TCERG1L: variants seen among roughly 807,000 people sequenced by gnomAD.
TCERG1L encodes transcription elongation regulator 1-like protein.
A neutral mutation model predicts 56.3 loss-of-function variants in TCERG1L; 37 were observed. That is an observed-to-expected ratio of 0.66 (90% CI 0.51 to 0.87). TCERG1L has a LOEUF of 0.87. Among genes scored for constraint, TCERG1L ranks in the 40% least tolerant of loss-of-function variants. The pLI is 0.00. For synonymous variants in TCERG1L, 324 were observed against 326.3 expected (o/e 0.99, Z 0.08); for missense variants, 799 against 774.2 (o/e 1.03, Z -0.38).
chr10:131,105,325 C>T (rs1206479310), intron 9 of TCERG1L, among the ~76,000 whole-genome samples: 9 of 152,316 alleles, frequency 5.9e-5, no homozygotes, highest in Non-Finnish European at 1.2e-4. Flanking sequence ...GTGAAGTCCC[C>T]CTCTCCATGC....
chr10:131,303,234 C>G (rs961561285), intron 3 of TCERG1L, among the ~76,000 whole-genome samples: 4 of 152,080 alleles, frequency 2.6e-5, no homozygotes, highest in African/African-American at 9.7e-5. Flanking sequence ...CTAATTTACA[C>G]TCCCACTAAT....
chr10:131,215,221 C>T (rs944337014), intron 4 of TCERG1L, among the ~76,000 whole-genome samples: 1 of 152,206 alleles, frequency 6.6e-6, no homozygotes, highest in Admixed American at 6.5e-5. Context: ...AGGCTCACCC[C>T]AAGCCCGACA....
chr10:131,157,171 T>C (rs1481572858), intron 6 of TCERG1L, among the ~76,000 whole-genome samples: 1 of 152,148 alleles, frequency 6.6e-6, no homozygotes, highest in African/African-American at 2.4e-5. Flanking sequence ...TGCCAGAAAA[T>C]GGCGCCTTCT....
Position 131,235,357 on chromosome 10 carries a change from A to C in TCERG1L, c.856+24902T>G, listed in dbSNP as rs192537748. 3.3e-5 allele frequency among the ~76,000 whole-genome samples: 5 copies of C among 152,316 alleles called. No individual in the cohort carries two copies. In the East Asian group the frequency reaches 9.6e-4, roughly 29 times the overall value. ...TGGCTCTTCGTTGCCAGTGGTGAGC[A>C]AGGAAAGTCCGAGCCTTGCTAGAAA... On this transcript the variant is annotated intron_variant, in intron 4 of 11. Coordinates refer to ENST00000368642, the MANE Select transcript of TCERG1L (RefSeq NM_174937.4).
At chr10:131,237,242 G>A (rs1845922288) in intron 4 of TCERG1L, among the ~76,000 whole-genome samples, 1 of 152,008 alleles carries the variant, frequency 6.6e-6, no homozygotes, top group African/African-American at 2.4e-5. Flanking sequence ...CATCTTCTGA[G>A]AGCCCACATG....
rs1016956735 is a variant in TCERG1L at position 131,093,082 on chromosome 10, C to G, written c.*80G>C. On this transcript the variant is annotated 3_prime_UTR_variant, in exon 12 of 12. Transcript: ENST00000368642. ...GTGCAGGTCTCGGCCGCCCCACGCC[C>G]GTGTCCGTCTCCACCGTGACCCCCT... is the stretch of plus-strand genomic sequence containing the variant. 4 of 1,518,834 alleles carry G rather than the reference C, an allele frequency of 2.6e-6. No individual in the cohort carries two copies. The South Asian group carries it at 3.7e-5, about 14-fold the overall frequency. 94.1% of individuals were successfully genotyped at this position (1,518,834 alleles called of 1,614,324 possible). A position where few individuals can be genotyped will look rare whatever the true frequency, so the allele number is the denominator to read the frequency against.
intron 3 of TCERG1L, among the ~76,000 whole-genome samples, chr10:131,289,494 G>T (rs1425676828): frequency 6.7e-6 from 1 of 149,618 alleles, no homozygotes; most frequent in Admixed American, 6.7e-5. Flanking sequence ...TGTGTGCACC[G>T]CTGTGTGTGA....
intron 4 of TCERG1L, among the ~76,000 whole-genome samples, chr10:131,170,065 C>T (rs778111762): frequency 6.6e-6 from 1 of 152,152 alleles, no homozygotes; most frequent in Non-Finnish European, 1.5e-5. Flanking sequence ...ACACACACCC[C>T]GGAATACCTG....
At chr10:131,125,482 T>G (rs1009944856) in intron 8 of TCERG1L, among the ~76,000 whole-genome samples, 1 of 152,256 alleles carries the variant, frequency 6.6e-6, no homozygotes, top group Non-Finnish European at 1.5e-5. Flanking sequence ...GTGAATCTTT[T>G]GCCTTATGGG....
At chr10:131,121,701 G>T (rs1845515079) in intron 8 of TCERG1L, among the ~76,000 whole-genome samples, 1 of 152,150 alleles carries the variant, frequency 6.6e-6, no homozygotes, top group South Asian at 2.1e-4. Context: ...TGGGCACAGA[G>T]ACAGAGATGC....
rs139064537 is a variant in TCERG1L at position 131,247,530 on chromosome 10, C to T, written c.856+12729G>A. ...CCCACCCCTGGTCGAGGCCCTGAGG[C>T]TTATGAATGTGAGATAAGGCTTCTG... On this transcript the variant is annotated intron_variant, in intron 4 of 11. Coordinates refer to ENST00000368642, the MANE Select transcript of TCERG1L (RefSeq NM_174937.4). 1.1e-4 allele frequency among the ~76,000 whole-genome samples: 17 copies of T among 152,252 alleles called. No individual in the cohort carries two copies. The East Asian group carries it at 3.1e-3, about 28-fold the overall frequency.
intron 4 of TCERG1L, among the ~76,000 whole-genome samples, chr10:131,251,949 C>G (rs1336150955): frequency 6.6e-6 from 1 of 152,148 alleles, no homozygotes; most frequent in Non-Finnish European, 1.5e-5. Flanking sequence ...TTCCTCTTCC[C>G]CTAGTCCCTG....
At chr10:131,207,493 G>T (rs1394657232) in intron 4 of TCERG1L, among the ~76,000 whole-genome samples, 1 of 152,172 alleles carries the variant, frequency 6.6e-6, no homozygotes, top group East Asian at 1.9e-4. Context: ...TGGCAATGCC[G>T]GCTTCTCCCT....
At position 131,204,358 on chromosome 10, in the gene TCERG1L, G is replaced by A. The variant is rs141223495; in HGVS notation, c.857-37473C>T. 7.2e-5 allele frequency among the ~76,000 whole-genome samples: 11 copies of A among 152,356 alleles called. No homozygotes were observed. The South Asian group carries it at 8.3e-4, about 11-fold the overall frequency. ...CACAAACCAGCAAGTGGGCTGGCCCGATGGCCCCACCACAAGCAGGCTCAG... is the reference window on the plus strand; with the variant it reads ...CACAAACCAGCAAGTGGGCTGGCCCAATGGCCCCACCACAAGCAGGCTCAG... On this transcript the variant is annotated intron_variant, in intron 4 of 11. Transcript: ENST00000368642.
In TCERG1L at chr10:131,267,893, G is replaced by A. The variant is rs930094651; in HGVS notation, c.671-7449C>T. On this transcript the variant is annotated intron_variant, in intron 3 of 11. Coordinates refer to ENST00000368642, the MANE Select transcript of TCERG1L (RefSeq NM_174937.4). This position sits in a 1 kb window ranked among gnomAD's most constrained non-coding sequence, Gnocchi z 4.9. ...GAGGGCAAGGGTGATGTTGCCACAA[G>A]TTCCCCGGGGGCCCTAGTGCTCAGG... Among the ~76,000 whole-genome samples the A allele has an allele frequency of 6.6e-6, 1 of 152,214 alleles. No individual in the cohort carries two copies. The highest frequency in any genetic ancestry group is 2.4e-5 in the African/African-American group (1 of 41,464).
chr10:131,189,753 A>T (rs548230437), intron 4 of TCERG1L, among the ~76,000 whole-genome samples: 1 of 152,170 alleles, frequency 6.6e-6, no homozygotes, highest in African/African-American at 2.4e-5. Context: ...AGAAATCTCC[A>T]TGCTGATTTT....
chr10:131,165,403 T>G (rs34532712), intron 5 of TCERG1L, among the ~76,000 whole-genome samples: 12,088 of 152,300 alleles, frequency 0.079, 587 homozygotes, highest in East Asian at 0.2. Context: ...ATTTTACACA[T>G]GATTTGTAAT....
intron 8 of TCERG1L, among the ~76,000 whole-genome samples, chr10:131,126,164 C>T (rs896530397): frequency 6.6e-6 from 1 of 152,226 alleles, no homozygotes; most frequent in Admixed American, 6.5e-5. Flanking sequence ...CCTGGCTCTG[C>T]CTAAGGCCAG....
In TCERG1L at chr10:131,111,462, G is replaced by A. The variant is rs1396039041; in HGVS notation, c.1395+5337C>T. On this transcript the variant is annotated intron_variant, in intron 9 of 11. Transcript: ENST00000368642. ...ACCAAATTTGACTGTTAAACAAAAT[G>A]TATTTATTTACTTTTACTTCCTTGT... Among the ~76,000 whole-genome samples, 4 of 143,210 alleles carry A rather than the reference G, an allele frequency of 2.8e-5. 2 individuals are homozygous for A. Among genetic ancestry groups the A allele is most frequent in the Non-Finnish European group, 6.3e-5 (4 of 63,592 alleles). 94.0% of individuals were successfully genotyped at this position (143,210 alleles called of 152,430 possible).
Sources: allele counts gnomAD v4.1 joint callset (sites outside exome capture counted in the v4.1 genomes callset), GRCh38; gene constraint gnomAD v4.1.1; non-coding constraint Gnocchi (gnomAD v3.1); transcripts MANE v1.5; gene names NCBI Gene and HGNC (gene_info 2026-07-23, HGNC 2026-07-21).